Variants in FHIT observed in about 807,000 individuals in gnomAD.
FHIT encodes bis(5'-adenosyl)-triphosphatase.
FHIT carries 19 observed loss-of-function variants against 17.9 expected under a neutral mutation model. The ratio of observed to expected loss-of-function variants is 1.06; its 90% CI spans 0.74 to 1.56. FHIT has a LOEUF of 1.56. FHIT is among the 40% of genes most tolerant of loss of function. The pLI, the probability that FHIT is intolerant of heterozygous loss-of-function variation, is 0.00. For missense variants in FHIT, 248 were observed against 189.2 expected (o/e 1.31, Z -1.82); for synonymous variants, 81 against 69.7 (o/e 1.16, Z -0.81).
intron 5 of FHIT, among the ~76,000 whole-genome samples, chr3:60,067,498 T>C (rs896958137): frequency 3.3e-5 from 5 of 152,192 alleles, no homozygotes; most frequent in Admixed American, 3.3e-4. Context: ...TATTTCATCT[T>C]TGATTTCCTC....
chr3:60,137,755 A>G (rs1177765888), intron 5 of FHIT, among the ~76,000 whole-genome samples: 2 of 152,180 alleles, frequency 1.3e-5, no homozygotes, highest in Non-Finnish European at 2.9e-5. Flanking sequence ...CACTGGATCA[A>G]CCTCTTCACC....
intron 2 of FHIT, among the ~76,000 whole-genome samples, chr3:61,142,164 A>C (rs1275397222): frequency 6.6e-6 from 1 of 151,128 alleles, no homozygotes; most frequent in South Asian, 2.1e-4. Flanking sequence ...CTGAAATAGG[A>C]TGGTGGTGGG....
chr3:60,996,049 G>T (rs1288279397), intron 3 of FHIT, among the ~76,000 whole-genome samples: 1 of 150,616 alleles, frequency 6.6e-6, no homozygotes, highest in Non-Finnish European at 1.5e-5. Flanking sequence ...TTTTATTTAA[G>T]GCATAAAAAT....
Position 60,920,021 on chromosome 3 carries a change from G to C in FHIT, c.-110-98010C>G, listed in dbSNP as rs573173319. Among the ~76,000 whole-genome samples the C allele has an allele frequency of 1.7e-4, 26 of 150,476 alleles. No individual in the cohort carries two copies. The South Asian group carries it at 5.1e-3, about 29-fold the overall frequency. On this transcript the variant is annotated intron_variant, in intron 3 of 9. Transcript: ENST00000492590. ...TGCACTCCAGCCTGGGCGACAGAGC[G>C]AGACTCCGTCTCAAAAAAAAAAAAA...
chr3:60,259,990 G>A (rs1003104428), intron 5 of FHIT, among the ~76,000 whole-genome samples: 6 of 152,054 alleles, frequency 3.9e-5, no homozygotes, highest in Admixed American at 3.3e-4. Context: ...TCCAGAGCAT[G>A]AAAATGAATG....
At chr3:59,941,377 A>G (rs1477161819) in intron 7 of FHIT, among the ~76,000 whole-genome samples, 1 of 151,870 alleles carries the variant, frequency 6.6e-6, no homozygotes, top group Non-Finnish European at 1.5e-5. Context: ...GCCTTTACCC[A>G]CCTCTCACTG....
chr3:61,094,993 C>T (rs571243116), intron 2 of FHIT, among the ~76,000 whole-genome samples: 27 of 152,198 alleles, frequency 1.8e-4, no homozygotes, highest in Admixed American at 1.4e-3. Flanking sequence ...AAAGCAAAAC[C>T]GTGAATAAGG....
intron 7 of FHIT, among the ~76,000 whole-genome samples, chr3:59,958,922 T>C (rs1401204692): frequency 3.9e-5 from 6 of 152,194 alleles, no homozygotes; most frequent in African/African-American, 1.4e-4. Context: ...CCTCTGTCAT[T>C]ACAATCATGT....
chr3:60,696,118 G>C (rs1424329159), intron 4 of FHIT, among the ~76,000 whole-genome samples: 3 of 151,994 alleles, frequency 2.0e-5, no homozygotes, highest in Non-Finnish European at 4.4e-5. Flanking sequence ...AAGAAGAAAG[G>C]AAGGAAGGAA....
chr3:60,858,228 T>G lies in FHIT; in HGVS notation c.-110-36217A>C, dbSNP rs187604134. ...GCAAATGAATAGAGAAAGGCAGTAT[T>G]CCACAGAGAAGGAGACAGGAAAAAA... On this transcript the variant is annotated intron_variant, in intron 3 of 9. Transcript: ENST00000492590. Among the ~76,000 whole-genome samples, 371 of 152,212 alleles carry G rather than the reference T, an allele frequency of 2.4e-3. 3 individuals carry two copies. The highest frequency in any genetic ancestry group is 8.5e-3 in the African/African-American group (352 of 41,542).
chr3:59,871,271 G>A (rs1392032831), intron 8 of FHIT, among the ~76,000 whole-genome samples: 3 of 152,106 alleles, frequency 2.0e-5, no homozygotes, highest in Non-Finnish European at 4.4e-5. Flanking sequence ...GCCAGTGAGA[G>A]CAATATCAGA....
At chr3:60,119,963 C>T (rs1705171799) in intron 5 of FHIT, among the ~76,000 whole-genome samples, 1 of 152,128 alleles carries the variant, frequency 6.6e-6, no homozygotes, top group South Asian at 2.1e-4. Flanking sequence ...CCTTACCCTG[C>T]CTTTCTGGTA....
intron 3 of FHIT, among the ~76,000 whole-genome samples, chr3:60,967,325 G>C (rs1014341745): frequency 2.6e-5 from 4 of 152,108 alleles, no homozygotes; most frequent in African/African-American, 9.7e-5. Context: ...ATCATTGCTT[G>C]ATCCCTTAAA....
intron 2 of FHIT, among the ~76,000 whole-genome samples, chr3:61,049,590 C>T (rs540050730): frequency 2.0e-5 from 3 of 152,196 alleles, no homozygotes; most frequent in African/African-American, 7.2e-5. Context: ...TCATTATTTC[C>T]TTCATGCTGT....
At chr3:60,849,165 C>G (rs1553747509) in intron 3 of FHIT, among the ~76,000 whole-genome samples, 1 of 151,480 alleles carries the variant, frequency 6.6e-6, no homozygotes, top group African/African-American at 2.4e-5. Context: ...AAGGGAAGAA[C>G]AAGAAGTAGA....
intron 5 of FHIT, among the ~76,000 whole-genome samples, chr3:60,305,100 T>G (rs1447379483): frequency 6.6e-6 from 1 of 152,138 alleles, no homozygotes; most frequent in Non-Finnish European, 1.5e-5. Flanking sequence ...GGCTGGGGTT[T>G]GCAAGAAAAC....
intron 5 of FHIT, among the ~76,000 whole-genome samples, chr3:60,173,177 A>G (rs1701494256): frequency 6.6e-6 from 1 of 152,138 alleles, no homozygotes; most frequent in African/African-American, 2.4e-5. Context: ...TGTCCCATCC[A>G]AAGCTAGCCT....
At chr3:59,898,005 G>C (rs964766921) in intron 8 of FHIT, among the ~76,000 whole-genome samples, 1 of 151,664 alleles carries the variant, frequency 6.6e-6, no homozygotes, top group African/African-American at 2.4e-5. Flanking sequence ...CTGAACTTGT[G>C]ATCTGCCCGC....
intron 5 of FHIT, among the ~76,000 whole-genome samples, chr3:60,078,867 G>A (rs777667855): frequency 3.3e-5 from 5 of 151,824 alleles, no homozygotes; most frequent in Non-Finnish European, 5.9e-5. Context: ...ATCTGAGGGA[G>A]GAGGGTAGAG....
Sources: gnomAD v4.1 joint callset for allele counts (sites outside exome capture counted in the v4.1 genomes callset) on GRCh38, gnomAD v4.1.1 for gene constraint, MANE v1.5 for transcripts, NCBI Gene and HGNC (gene_info 2026-07-23, HGNC 2026-07-21) for gene names.